The following TRIM24 variants were observed in gnomAD, a reference collection of about 807,000 sequenced individuals.
TRIM24 encodes transcription intermediary factor 1-alpha.
A neutral mutation model predicts 123.9 loss-of-function variants in TRIM24; 29 were observed. The observed-to-expected ratio is 0.23, with a 90% CI of 0.17 to 0.32. The LOEUF is 0.32. TRIM24 is among the 10% of genes least tolerant of loss of function. TRIM24 has a pLI of 1.00. For missense variants in TRIM24, 932 were observed against 1,295.3 expected (o/e 0.72, Z 4.31); for synonymous variants, 456 against 461.1 (o/e 0.99, Z 0.14).
At chr7:138,545,319 G>A (rs1196412099) in intron 7 of TRIM24, among the ~76,000 whole-genome samples, 3 of 152,156 alleles carry the variant, frequency 2.0e-5, no homozygotes, top group African/African-American at 7.2e-5. Flanking sequence ...GCATGAAGCT[G>A]GCAGCCACGG....
At chr7:138,529,381 G>A in intron 6 of TRIM24, 151 bp downstream of exon 6, 1 of 411,616 alleles carries the variant, frequency 2.4e-6, no homozygotes, top group Non-Finnish European at 4.4e-6. Context: ...GCTGGGTTTT[G>A]TATTGTAGCT....
In TRIM24 at chr7:138,537,379, G is replaced by GTTTTTTTTTTTTTTTTTTTT. The variant is rs71177994; in HGVS notation, c.997-1268_997-1249dup. Among the ~76,000 whole-genome samples the GTTTTTTTTTTTTTTTTTTTT allele has an allele frequency of 1.2e-4, 7 of 56,642 alleles. 2 individuals are homozygous for GTTTTTTTTTTTTTTTTTTTT. The highest frequency in any genetic ancestry group is 3.0e-4 in the Admixed American group (1 of 3,316). The allele number at this position is 56,642 out of a possible 152,430, so 37.2% of individuals were successfully genotyped here. A position where few individuals can be genotyped will look rare whatever the true frequency, so the allele number is the denominator to read the frequency against. On this transcript the variant is annotated intron_variant, in intron 6 of 18. Transcript: ENST00000343526. ...AACCACTCCTCCGCCACCCCTGTTT[G>GTTTTTTTTTTTTTTTTTTTT]TTTTTTTTTTTTTTTTTTTTTTTTT...
chr7:138,529,338 A>G, intron 6 of TRIM24, 108 bp downstream of exon 6: 1 of 592,226 alleles, frequency 1.7e-6, no homozygotes, highest in Admixed American at 4.1e-5. Flanking sequence ...TTGTGATTTA[A>G]TATTTTTTTT....
At chr7:138,525,757 A>G (rs1188475015) in intron 5 of TRIM24, among the ~76,000 whole-genome samples, 2 of 152,136 alleles carry the variant, frequency 1.3e-5, no homozygotes, top group African/African-American at 4.8e-5. Context: ...TTATGCTGCA[A>G]TTTTTTTAAA....
At chr7:138,489,313 T>G (rs770591958) in intron 1 of TRIM24, among the ~76,000 whole-genome samples, 2 of 152,206 alleles carry the variant, frequency 1.3e-5, no homozygotes, top group Non-Finnish European at 2.9e-5. Context: ...TTTGCCAGTC[T>G]TTGTCTTTTA....
chr7:138,477,028 G>C (rs1795418096), intron 1 of TRIM24, among the ~76,000 whole-genome samples: 1 of 147,368 alleles, frequency 6.8e-6, no homozygotes, highest in Non-Finnish European at 1.5e-5. Flanking sequence ...AGGTGCAGAA[G>C]AATGAGTATT....
In TRIM24 at chr7:138,589,529, C is replaced by T. The variant is rs985735560; in HGVS notation, c.*4578C>T. The T allele has an allele frequency of 6.6e-6, 1 of 152,078 alleles. No individual in the cohort carries two copies. Among genetic ancestry groups the T allele is most frequent in the East Asian group, 1.9e-4 (1 of 5,192 alleles). 9.4% of individuals were successfully genotyped at this position (152,078 alleles called of 1,614,324 possible). Reference sequence around the variant, plus strand: ...GGGCAAGCTACTAGTCCATAAATAGCTGTAATAGGAAAACAGTTTTTTAAA... The same window carrying T: ...GGGCAAGCTACTAGTCCATAAATAGTTGTAATAGGAAAACAGTTTTTTAAA... On this transcript the variant is annotated 3_prime_UTR_variant, in exon 19 of 19. Coordinates refer to ENST00000343526, the MANE Select transcript of TRIM24 (RefSeq NM_015905.3).
At chr7:138,508,478 A>T (rs1431232081) in intron 2 of TRIM24, among the ~76,000 whole-genome samples, 1 of 152,090 alleles carries the variant, frequency 6.6e-6, no homozygotes, top group Non-Finnish European at 1.5e-5. Flanking sequence ...TTTTTATTCT[A>T]TTATTCCTCT....
intron 2 of TRIM24, 30 bp from the exon 3 acceptor site, chr7:138,515,182 A>T: frequency 6.3e-7 from 1 of 1,590,044 alleles, no homozygotes; most frequent in African/African-American, 1.3e-5. Context: ...CATTTTCTCA[A>T]AAATTTACGT....
intron 16 of TRIM24, among the ~76,000 whole-genome samples, chr7:138,581,321 T>C (rs965840821): frequency 5.9e-5 from 9 of 152,340 alleles, no homozygotes; most frequent in African/African-American, 1.7e-4. Flanking sequence ...TGGTTGGACC[T>C]TCGGCATGCA....
chr7:138,560,478 T>A lies in TRIM24; in HGVS notation c.1530+5512T>A, dbSNP rs997191218. Among the ~76,000 whole-genome samples, 3 of 152,278 alleles carry A rather than the reference T, an allele frequency of 2.0e-5. No individual in the cohort carries two copies. The South Asian group carries it at 6.2e-4, about 32-fold the overall frequency. On this transcript the variant is annotated intron_variant, in intron 9 of 18. Transcript: ENST00000343526. ...TCTGGCTCGGGGCAGCTCAGTGAAGTCCATTAGTAGGTTTTTACAGGGTGT... is the reference window on the plus strand; with the variant it reads ...TCTGGCTCGGGGCAGCTCAGTGAAGACCATTAGTAGGTTTTTACAGGGTGT...
intron 7 of TRIM24, among the ~76,000 whole-genome samples, chr7:138,547,563 AATT>A (rs1413231357): frequency 1.0e-4 from 15 of 146,756 alleles, no homozygotes; most frequent in Middle Eastern, 3.4e-3. Flanking sequence ...TAGATAAAAC[AATT>A]ATTAAATTTT....
Position 138,538,676 on chromosome 7 carries a change from G to A in TRIM24, c.1016G>A (p.Arg339His), listed in dbSNP as rs772873132. Residue 339 changes from arginine (R) to histidine (H), a missense_variant, in exon 7 of 19, where the codon CGC (arginine) becomes CAC (histidine). Arg to His is a conservative substitution (Grantham distance 29, BLOSUM62 0). This residue lies in a region of TRIM24 where 527 missense variants were observed against 691.3 expected (regional missense o/e 0.76). Transcript: ENST00000343526. ...HQLESLAKDH[R>H]MKLMQQQQEV... ...TTTCAGAGCCTTGCAAAGGACCATC[G>A]CATGAAACTTATGCAACAACAACAG... 10 of 1,613,962 alleles carry A rather than the reference G, an allele frequency of 6.2e-6. No homozygotes were observed. The highest frequency in any genetic ancestry group is 1.7e-5 in the Admixed American group (1 of 60,008).
At chr7:138,477,431 A>T (rs1216585011) in intron 1 of TRIM24, among the ~76,000 whole-genome samples, 1 of 152,226 alleles carries the variant, frequency 6.6e-6, no homozygotes, top group Non-Finnish European at 1.5e-5. Flanking sequence ...TAACTGGTTC[A>T]CAGTATTGAC....
At chr7:138,469,169 A>G (rs563126888) in intron 1 of TRIM24, among the ~76,000 whole-genome samples, 68 of 152,198 alleles carry the variant, frequency 4.5e-4, no homozygotes, top group African/African-American at 1.6e-3. Flanking sequence ...TTTTAATTTC[A>G]TTGTACCTTT....
Position 138,529,161 on chromosome 7 carries a change from T to C in TRIM24, c.927T>C (p.Ile309=). 6.3e-7 allele frequency: 1 copy of C among 1,580,344 alleles called. No individual in the cohort carries two copies. Among genetic ancestry groups the C allele is most frequent in the Non-Finnish European group, 8.6e-7 (1 of 1,167,120 alleles). The change falls in exon 6 of 19, where the codon ATT becomes ATC. Residue 309 remains isoleucine (I), a synonymous_variant. Coordinates refer to ENST00000343526, the MANE Select transcript of TRIM24 (RefSeq NM_015905.3). ...NQNQKQVEQD[I]KVAIFTLMVE... The stretch of plus-strand genomic sequence containing the variant: ...ATCAAAAGCAGGTGGAACAGGATAT[T>C]AAAGTTGCTATATTTACACTGATGG...
At chr7:138,490,319 T>G (rs1281672220) in intron 1 of TRIM24, among the ~76,000 whole-genome samples, 1 of 152,176 alleles carries the variant, frequency 6.6e-6, no homozygotes, top group African/African-American at 2.4e-5. Flanking sequence ...CTCGGAAAAG[T>G]TTGTTATTAC....
chr7:138,563,763 C>G (rs1265454276), intron 9 of TRIM24, among the ~76,000 whole-genome samples: 5 of 152,352 alleles, frequency 3.3e-5, no homozygotes, highest in African/African-American at 9.6e-5. Context: ...CTAGGGCTCT[C>G]ATCAGCTCCT....
chr7:138,484,720 T>C lies in TRIM24; in HGVS notation c.365-19570T>C, dbSNP rs141891555. The stretch of plus-strand genomic sequence containing the variant: ...CATAAAATGAATTACAGAGTGCTAC[T>C]GATTTAATTTCCCTGAAGGAATTTC... On this transcript the variant is annotated intron_variant, in intron 1 of 18. Coordinates refer to ENST00000343526, the MANE Select transcript of TRIM24 (RefSeq NM_015905.3). Among the ~76,000 whole-genome samples, 284 of 152,298 alleles carry C rather than the reference T, an allele frequency of 1.9e-3. 1 individual carries two copies. The highest frequency in any genetic ancestry group is 3.0e-3 in the Non-Finnish European group (202 of 68,016).
Sources: gnomAD v4.1 joint callset for allele counts (sites outside exome capture counted in the v4.1 genomes callset) on GRCh38, gnomAD v4.1.1 for gene constraint, gnomAD v4.1.1 regional missense constraint, MANE v1.5 for transcripts, NCBI Gene and HGNC (gene_info 2026-07-23, HGNC 2026-07-21) for gene names.